Variants in NOCT observed in about 807,000 individuals in gnomAD.
NOCT encodes the protein CCR4 carbon catabolite repression 4-like.
A neutral mutation model predicts 35.0 loss-of-function variants in NOCT; 18 were observed. The observed-to-expected ratio is 0.51, with a 90% CI of 0.36 to 0.76. The LOEUF is 0.76. NOCT is among the 30% of genes least tolerant of loss of function. The pLI, the probability that NOCT is intolerant of heterozygous loss-of-function variation, is 0.01. For synonymous variants in NOCT, 235 were observed against 226.3 expected (o/e 1.04, Z -0.34); for missense variants, 479 against 541.0 (o/e 0.89, Z 1.14).
chr4:139,043,520 C>CT (rs200273114), intron 2 of NOCT, 177 bp downstream of exon 2: 69,486 of 445,292 alleles, frequency 0.16, 1 homozygote, highest in South Asian at 0.18. Context: ...CTGGTTTTCA[C>CT]TTTTTTTTTT....
In NOCT at chr4:139,043,151, C is replaced by T; in HGVS notation, c.268C>T (p.His90Tyr). ...ACTGAACAGCAGCGCTGCCTCCCAG[C>T]ACCCAGAGTATTTGGTGTCACCTGA... ...KTLNSSAASQ[H>Y]PEYLVSPDPE... Residue 90 changes from histidine to tyrosine, a missense_variant, in exon 2 of 3, where the codon CAC (histidine) becomes TAC (tyrosine). Around this residue, in one of 2 missense-constraint regions of NOCT, gnomAD observed 265 missense variants for 257.0 expected, o/e 1.03. Transcript: ENST00000280614. 1 of 1,614,102 alleles carries T rather than the reference C, an allele frequency of 6.2e-7. No individual in the cohort carries two copies. Among genetic ancestry groups the T allele is most frequent in the Non-Finnish European group, 8.5e-7 (1 of 1,179,960 alleles).
At chr4:139,018,527 A>G (rs1421186890) in intron 1 of NOCT, among the ~76,000 whole-genome samples, 1 of 152,238 alleles carries the variant, frequency 6.6e-6, no homozygotes, top group Non-Finnish European at 1.5e-5. Context: ...GGCAGTTACT[A>G]TAAAGTCTAG....
At chr4:139,023,133 G>A (rs559499831) in intron 1 of NOCT, among the ~76,000 whole-genome samples, 1 of 151,776 alleles carries the variant, frequency 6.6e-6, no homozygotes, top group South Asian at 2.1e-4. Context: ...TGCATCCAAA[G>A]TGACAATAAG....
At chr4:139,024,716 C>G (rs1726481494) in intron 1 of NOCT, among the ~76,000 whole-genome samples, 1 of 152,150 alleles carries the variant, frequency 6.6e-6, no homozygotes, top group African/African-American at 2.4e-5. Flanking sequence ...CTCAGCCTCC[C>G]AAGTAGCTGG....
At chr4:139,037,170 A>G (rs6840455) in intron 1 of NOCT, among the ~76,000 whole-genome samples, 147,103 of 152,294 alleles carry the variant, frequency 0.97, 71,139 homozygotes, top group South Asian at 0.99. Context: ...GTCTAAGGGG[A>G]CAGAGACAAG....
chr4:139,029,936 G>T (rs966322852), intron 1 of NOCT, among the ~76,000 whole-genome samples: 5 of 152,214 alleles, frequency 3.3e-5, no homozygotes, highest in Admixed American at 6.5e-5. Flanking sequence ...CTGTCACCCA[G>T]GCTGGAGTGT....
At chr4:139,029,707 A>G (rs1726592519) in intron 1 of NOCT, among the ~76,000 whole-genome samples, 1 of 152,084 alleles carries the variant, frequency 6.6e-6, no homozygotes, top group Non-Finnish European at 1.5e-5. Flanking sequence ...CTTCTGCCTA[A>G]ATTGGCACTT....
In NOCT at chr4:139,044,742, T is replaced by C; in HGVS notation, c.564T>C (p.Pro188=). 6.2e-6 allele frequency: 10 copies of C among 1,614,208 alleles called. No individual in the cohort carries two copies. The highest frequency in any genetic ancestry group is 8.5e-6 in the Non-Finnish European group (10 of 1,180,006). ...TGGAAGAAATCCTGGCCTACCAGCCTGATATATTGTGCCTCCAAGAGGTGG... is the reference window on the plus strand; with the variant it reads ...TGGAAGAAATCCTGGCCTACCAGCCCGATATATTGTGCCTCCAAGAGGTGG... ...LILEEILAYQ[P]DILCLQEVDH... is the part of the protein sequence containing the mutation. Residue 188 remains proline, a synonymous_variant, in exon 3 of 3, where the codon CCT becomes CCC. Coordinates refer to ENST00000280614, the MANE Select transcript of NOCT (RefSeq NM_012118.4).
In NOCT at chr4:139,044,966, A is replaced by G; in HGVS notation, c.788A>G (p.Asn263Ser). The G allele has an allele frequency of 5.0e-6, 8 of 1,614,192 alleles. No individual in the cohort carries two copies. Among genetic ancestry groups the G allele is most frequent in the Non-Finnish European group, 6.8e-6 (8 of 1,180,036 alleles). ...IRLTAMTLKT[N>S]QVAIAQTLEC... ...CTGACAGCCATGACATTGAAAACCA[A>G]CCAGGTGGCCATTGCACAGACCCTG... Residue 263 changes from asparagine (N) to serine (S), a missense_variant, in exon 3 of 3, where the codon AAC (asparagine) becomes AGC (serine). By Grantham distance (46) the Asn-to-Ser change is conservative. Transcript: ENST00000280614.
intron 2 of NOCT, among the ~76,000 whole-genome samples, chr4:139,044,131 G>GT (rs1358962241): frequency 9.4e-6 from 1 of 105,956 alleles, no homozygotes; most frequent in African/African-American, 3.0e-5. Flanking sequence ...ACAAGGGCCT[G>GT]ATTTTTTTTT....
chr4:139,017,507 C>T (rs2148641354), intron 1 of NOCT, among the ~76,000 whole-genome samples: 1 of 150,032 alleles, frequency 6.7e-6, no homozygotes, highest in Non-Finnish European at 1.5e-5. Flanking sequence ...GGATTACAGG[C>T]GTGAGCCACC....
intron 1 of NOCT, among the ~76,000 whole-genome samples, chr4:139,040,776 G>C (rs1726821677): frequency 6.6e-6 from 1 of 152,106 alleles, no homozygotes; most frequent in Non-Finnish European, 1.5e-5. Context: ...GTTTGCTGTG[G>C]TTCCCTGGGA....
chr4:139,019,800 C>G (rs978198811), intron 1 of NOCT, among the ~76,000 whole-genome samples: 2 of 152,142 alleles, frequency 1.3e-5, no homozygotes, highest in African/African-American at 4.8e-5. Flanking sequence ...GCCACAGTTA[C>G]TGTACTGGAT....
intron 1 of NOCT, among the ~76,000 whole-genome samples, chr4:139,022,306 C>T (rs1265542497): frequency 1.3e-5 from 2 of 152,114 alleles, no homozygotes; most frequent in Non-Finnish European, 2.9e-5. Context: ...TCTATGTGGC[C>T]TCAAAGCAAC....
chr4:139,029,886 TAGAA>T (rs1368681679), intron 1 of NOCT, among the ~76,000 whole-genome samples: 2 of 152,180 alleles, frequency 1.3e-5, no homozygotes, highest in African/African-American at 4.8e-5. Flanking sequence ...CACAAAAATT[TAGAA>T]AGAGTTACTT....
At chr4:139,040,906 T>TAA (rs796691356) in intron 1 of NOCT, among the ~76,000 whole-genome samples, 2 of 143,062 alleles carry the variant, frequency 1.4e-5, no homozygotes, top group Admixed American at 7.0e-5. Context: ...CTACAGGAAG[T>TAA]AAAAAAAAAA....
Position 139,016,007 on chromosome 4 carries a change from G to A in NOCT, c.26G>A (p.Cys9Tyr). The A allele has an allele frequency of 2.2e-6, 3 of 1,394,280 alleles. No homozygotes were observed. Among genetic ancestry groups the A allele is most frequent in the South Asian group, 3.0e-5 (2 of 66,006 alleles). 86.4% of individuals were successfully genotyped at this position (1,394,280 alleles called of 1,614,324 possible). The change falls in exon 1 of 3, where the codon TGC becomes TAC. Residue 9 changes from cysteine (C) to tyrosine (Y), a missense_variant. Physicochemically the swap from Cys to Tyr is radical, Grantham distance 194. Around this residue, in one of 2 missense-constraint regions of NOCT, gnomAD observed 265 missense variants for 257.0 expected, o/e 1.03. Transcript: ENST00000280614. The part of the protein sequence containing the change: MFHSPRRL[C>Y]SALLQRDAPG... Reference sequence around the variant, plus strand: ...ATGTTTCATAGTCCGCGGCGGCTCTGCTCGGCCCTGCTGCAGAGGGACGCG... The same window carrying A: ...ATGTTTCATAGTCCGCGGCGGCTCTACTCGGCCCTGCTGCAGAGGGACGCG...
chr4:139,021,764 G>GTTT (rs11421077), intron 1 of NOCT, among the ~76,000 whole-genome samples: 12 of 143,732 alleles, frequency 8.3e-5, no homozygotes, highest in Admixed American at 1.4e-4. Context: ...AGTTTTTCTG[G>GTTT]TTTTTTTTTT....
At chr4:139,033,871 C>T (rs1726670283) in intron 1 of NOCT, among the ~76,000 whole-genome samples, 2 of 151,974 alleles carry the variant, frequency 1.3e-5, no homozygotes, top group South Asian at 4.2e-4. Flanking sequence ...CACATGCCAC[C>T]ATGCCCAGCT....
Sources: allele counts gnomAD v4.1 joint callset (sites outside exome capture counted in the v4.1 genomes callset), GRCh38; gene constraint gnomAD v4.1.1; regional missense constraint gnomAD v4.1.1; transcripts MANE v1.5; gene names NCBI Gene and HGNC (gene_info 2026-07-23, HGNC 2026-07-21).